BRF1: variants seen among roughly 807,000 people sequenced by gnomAD.
The protein encoded by BRF1 is BRF1 general transcription factor IIIB subunit.
In BRF1, 59 loss-of-function variants were observed where a neutral mutation model predicts 81.7. The ratio of observed to expected loss-of-function variants is 0.72; its 90% CI spans 0.59 to 0.90. The LOEUF (loss-of-function observed/expected upper bound fraction) is 0.90. BRF1 is among the 40% of genes least tolerant of loss of function. The probability of loss-of-function intolerance (pLI) is 0.00; values close to 1 mark genes in which losing one functional copy is unlikely to be tolerated. For missense variants in BRF1, 1,050 were observed against 936.3 expected, an observed-to-expected ratio of 1.12 and a Z score of -1.58; for synonymous variants, 491 against 395.6, an observed-to-expected ratio of 1.24 and a Z score of -2.86.
At chr14:105,229,363 G>C (rs587730122) in intron 6 of BRF1, among the ~76,000 whole-genome samples, 1 of 152,232 alleles carries the variant, frequency 6.6e-6, no homozygotes, top group East Asian at 1.9e-4. Flanking sequence ...TGGAGATCAT[G>C]TGTGCAGATG....
intron 5 of BRF1, chr14:105,250,728 C>G: frequency 6.6e-7 from 1 of 1,516,522 alleles, no homozygotes. Flanking sequence ...AGTCAAGATG[C>G]TAACTGCTTC....
rs2058292771 is a variant in BRF1, at chr14:105,309,757, A to G, written c.-162+5565T>C. Among the ~76,000 whole-genome samples, 1 of 136,424 alleles carries G rather than the reference A, an allele frequency of 7.3e-6. No homozygotes were observed. Among genetic ancestry groups the G allele is most frequent in the Admixed American group, 7.4e-5 (1 of 13,502 alleles). 89.5% of individuals were successfully genotyped at this position (136,424 alleles called of 152,430 possible). On this transcript the variant is annotated intron_variant, in intron 1 of 17. Coordinates refer to the BRF1 transcript ENST00000327359. The surrounding 1 kb of genome is among the most constrained non-coding windows in gnomAD (Gnocchi z 4.0). ...AGGTCTAGATTAGCCTGCATTAAGG[A>G]GAAGGTGGTGATGTGTGTCTTTTTT...
chr14:105,217,456 G>C (rs1368762290), intron 15 of BRF1, 88 bp downstream of exon 15: 1 of 1,551,260 alleles, frequency 6.4e-7, no homozygotes, highest in Non-Finnish European at 8.7e-7. Flanking sequence ...GCCCCGGCTG[G>C]CCCCCGGCAG....
intron 1 of BRF1, among the ~76,000 whole-genome samples, chr14:105,310,054 G>A (rs1460396547): frequency 6.6e-6 from 1 of 151,728 alleles, no homozygotes; most frequent in Non-Finnish European, 1.5e-5. Context: ...AAAGTGCTGG[G>A]ATTACAGGTA....
At position 105,249,058 on chromosome 14, in the gene BRF1, G is replaced by A. The variant is rs1218287398; in HGVS notation, c.544+3449C>T. ...AACCACCAGGAGAGCCCCGGCTGGC[G>A]GTGCTGCCGCCCCACGCTGCGCGAG... On this transcript the variant is annotated intron_variant, in intron 5 of 17. Transcript: ENST00000547530. The A allele has an allele frequency of 6.2e-6, 8 of 1,297,642 alleles. No individual in the cohort carries two copies. The South Asian group carries it at 1.4e-4, about 23-fold the overall frequency. The allele number at this position is 1,297,642 out of a possible 1,614,324, so 80.4% of individuals were successfully genotyped here.
intron 1 of BRF1, among the ~76,000 whole-genome samples, chr14:105,310,401 G>A (rs587631909): frequency 3.2e-4 from 48 of 151,806 alleles, no homozygotes; most frequent in East Asian, 1.9e-3. Flanking sequence ...GTGGTGGCAG[G>A]CGCCTGTAGT....
intron 1 of BRF1, among the ~76,000 whole-genome samples, chr14:105,311,773 C>A (rs879354577): frequency 6.6e-6 from 1 of 152,216 alleles, no homozygotes; most frequent in Non-Finnish European, 1.5e-5. Context: ...TTGGCCATCC[C>A]CCACATGGCT....
chr14:105,263,496 C>T (rs2056256108), intron 3 of BRF1, among the ~76,000 whole-genome samples: 1 of 152,130 alleles, frequency 6.6e-6, no homozygotes. Context: ...AAGAGCCGAG[C>T]AGGAAGTTCT....
intron 5 of BRF1, chr14:105,249,102 C>T (rs1299340826): frequency 2.0e-6 from 3 of 1,492,060 alleles, no homozygotes; most frequent in Admixed American, 2.3e-5. Context: ...CCGTGCCCCG[C>T]GGCCCCCGCG....
chr14:105,293,693 C>T (rs1023807708), intron 1 of BRF1, among the ~76,000 whole-genome samples: 2 of 152,194 alleles, frequency 1.3e-5, no homozygotes, highest in African/African-American at 4.8e-5. Flanking sequence ...CGCTGAGCCT[C>T]AGTCCTCACC....
intron 2 of BRF1, 135 bp from the exon 3 acceptor site, chr14:105,273,029 G>A: frequency 9.9e-7 from 1 of 1,007,220 alleles, no homozygotes; most frequent in Admixed American, 3.2e-5. Context: ...CTTTTTATAT[G>A]TGGGTTCCAA....
chr14:105,241,989 A>T (rs2816649), intron 5 of BRF1: 1 of 158,046 alleles, frequency 6.3e-6, no homozygotes, highest in Admixed American at 6.0e-5. Flanking sequence ...TGGGCGCTGC[A>T]CAGCCTGGGC....
In BRF1 at chr14:105,211,106, G is replaced by T; in HGVS notation, c.1996+16C>A. ...TATTTCCCTTGAACCCCTCCCTGTT[G>T]TCGGGCCCCACCCACCGTTGCTGCC... On this transcript the variant is annotated intron_variant, in intron 17 of 17. Transcript: ENST00000547530. 1 of 1,611,750 alleles carries T rather than the reference G, an allele frequency of 6.2e-7. No homozygotes were observed.
At chr14:105,286,577 G>A (rs1465784745) in intron 1 of BRF1, among the ~76,000 whole-genome samples, 1 of 152,178 alleles carries the variant, frequency 6.6e-6, no homozygotes. Context: ...CAGCCAGCAG[G>A]GTTGAGGGTG....
intron 3 of BRF1, among the ~76,000 whole-genome samples, chr14:105,263,234 CA>C (rs760613469): frequency 1.6e-3 from 133 of 83,544 alleles, no homozygotes; most frequent in East Asian, 3.0e-3. Flanking sequence ...AAGACTCCAT[CA>C]AAAAAAAAAA....
chr14:105,225,932 C>T (rs1893013457), intron 10 of BRF1, 137 bp downstream of exon 10: 23 of 899,872 alleles, frequency 2.6e-5, no homozygotes, highest in Non-Finnish European at 3.5e-5. Context: ...AGGCGTGAGC[C>T]ACCCTGCCCG....
chr14:105,229,560 C>G (rs982114511), intron 6 of BRF1, among the ~76,000 whole-genome samples: 2 of 152,216 alleles, frequency 1.3e-5, no homozygotes, highest in African/African-American at 4.8e-5. Flanking sequence ...CCCACCAGCA[C>G]CAAGGGCAAA....
intron 5 of BRF1, chr14:105,246,914 G>A (rs1005330944): frequency 7.1e-6 from 7 of 985,206 alleles, no homozygotes; most frequent in African/African-American, 5.2e-5. Flanking sequence ...GACAGCTGTC[G>A]CCCAGGTCTT....
Position 105,210,089 on chromosome 14 carries a change from A to G in BRF1, c.*462T>C. 4.6e-6 allele frequency: 1 copy of G among 215,774 alleles called. No individual in the cohort carries two copies. The highest frequency in any genetic ancestry group is 9.9e-5 in the South Asian group (1 of 10,100). The allele number at this position is 215,774 out of a possible 1,614,324, so 13.4% of individuals were successfully genotyped here. On this transcript the variant is annotated 3_prime_UTR_variant, in exon 18 of 18. Transcript: ENST00000547530. The surrounding 1 kb of genome is among the most constrained non-coding windows in gnomAD (Gnocchi z 4.7). ...AGGGCTCTGGCTTCCACTCTGGCAG[A>G]GGCTGCTGGCGCCGAGTGCTGCTCA...
Sources: allele counts gnomAD v4.1 joint callset (sites outside exome capture counted in the v4.1 genomes callset), GRCh38; gene constraint gnomAD v4.1.1; non-coding constraint Gnocchi (gnomAD v3.1); transcripts MANE v1.5; gene names NCBI Gene and HGNC (gene_info 2026-07-23, HGNC 2026-07-21).